The following RFX2 variants were observed in gnomAD, a reference collection of about 807,000 sequenced individuals.
RFX2 encodes DNA-binding protein RFX2.
RFX2 carries 20 observed loss-of-function variants against 87.8 expected under a neutral mutation model. That is an observed-to-expected ratio of 0.23 (90% CI 0.16 to 0.33). The LOEUF is 0.33. RFX2 is among the 10% of genes least tolerant of loss of function. The pLI, the probability that RFX2 is intolerant of heterozygous loss-of-function variation, is 1.00. For synonymous variants in RFX2, 397 were observed against 431.3 expected (o/e 0.92, Z 0.98); for missense variants, 767 against 1,012.3 (o/e 0.76, Z 3.29).
At chr19:6,019,424 A>G (rs1483482667) in intron 6 of RFX2, among the ~76,000 whole-genome samples, 2 of 151,708 alleles carry the variant, frequency 1.3e-5, no homozygotes, top group African/African-American at 4.9e-5. Flanking sequence ...TTGGACCCTT[A>G]AGAGCTTAAG....
intron 5 of RFX2, among the ~76,000 whole-genome samples, chr19:6,037,093 G>A (rs1201544114): frequency 6.6e-6 from 1 of 151,930 alleles, no homozygotes; most frequent in African/African-American, 2.4e-5. Flanking sequence ...GACCATCCTG[G>A]TTAACATGGT....
intron 5 of RFX2, among the ~76,000 whole-genome samples, chr19:6,036,170 C>G (rs2087020201): frequency 6.6e-6 from 1 of 152,206 alleles, no homozygotes; most frequent in Admixed American, 6.5e-5. Context: ...GCTTTCTGTT[C>G]CATAACAACT....
Position 6,026,424 on chromosome 19 carries a change from G to A in RFX2, c.523-187C>T, listed in dbSNP as rs550126855. 59 of 607,098 alleles carry A rather than the reference G, an allele frequency of 9.7e-5. No homozygotes were observed. The highest frequency in any genetic ancestry group is 3.0e-4 in the African/African-American group (16 of 54,030). 37.6% of individuals were successfully genotyped at this position (607,098 alleles called of 1,614,324 possible). On this transcript the variant is annotated intron_variant, in intron 5 of 17. Transcript: ENST00000303657. This position sits in a 1 kb window ranked among gnomAD's most constrained non-coding sequence, Gnocchi z 4.5. ...GAGTTAAATTGTGCATGAAAGCTGCGGTAGGGAGTGTTGCTTCGCACACGT... is the reference window on the plus strand; with the variant it reads ...GAGTTAAATTGTGCATGAAAGCTGCAGTAGGGAGTGTTGCTTCGCACACGT...
intron 1 of RFX2, among the ~76,000 whole-genome samples, chr19:6,100,288 G>C (rs971258347): frequency 4.7e-5 from 6 of 128,586 alleles, no homozygotes; most frequent in African/African-American, 1.7e-4. Context: ...ACAACAAAGG[G>C]GAGGGGACAG....
At chr19:6,079,587 A>G (rs59907625) in intron 1 of RFX2, among the ~76,000 whole-genome samples, 17,552 of 152,144 alleles carry the variant, frequency 0.12, 1,199 homozygotes, top group African/African-American at 0.19. Context: ...GATGGAGGTT[A>G]TAAGAATCTG....
Position 6,012,946 on chromosome 19 carries a change from A to G in RFX2, c.899+40T>C. 6.8e-7 allele frequency: 1 copy of G among 1,475,838 alleles called. No individual in the cohort carries two copies. 91.4% of individuals were successfully genotyped at this position (1,475,838 alleles called of 1,614,324 possible). On this transcript the variant is annotated intron_variant, in intron 8 of 17. Transcript: ENST00000303657. This position sits in a 1 kb window ranked among gnomAD's most constrained non-coding sequence, Gnocchi z 4.6. ...AGAAACACCCACCCCTCCATGCTCC[A>G]GGGGAGAGCCAGCTCCTCCCAGCTC...
chr19:6,049,320 T>C (rs1195711762), intron 1 of RFX2: 1 of 152,220 alleles, frequency 6.6e-6, no homozygotes, highest in Non-Finnish European at 1.5e-5. Context: ...AAAGTCAGAA[T>C]GCTGACTTGA....
rs907825937 is a variant in RFX2 at position 6,017,566 on chromosome 19, C to T, written c.598-1295G>A. 7.9e-5 allele frequency among the ~76,000 whole-genome samples: 12 copies of T among 152,226 alleles called. No homozygotes were observed. Among genetic ancestry groups the T allele is most frequent in the Admixed American group, 3.9e-4 (6 of 15,288 alleles). On this transcript the variant is annotated intron_variant, in intron 6 of 17. Transcript: ENST00000303657. This position sits in a 1 kb window ranked among gnomAD's most constrained non-coding sequence, Gnocchi z 4.1. The stretch of plus-strand genomic sequence containing the variant: ...GAATTCCACGCACAGAAGCGAGGCC[C>T]GAGTCCAGATCCCATGTCAAGAGCG...
intron 7 of RFX2, 91 bp downstream of exon 7, chr19:6,015,999 G>A (rs2086721296): frequency 7.7e-7 from 1 of 1,301,160 alleles, no homozygotes; most frequent in Non-Finnish European, 1.0e-6. Context: ...AGGCCACCTG[G>A]AAAGGAGGAG....
intron 1 of RFX2, among the ~76,000 whole-genome samples, chr19:6,087,876 G>T (rs1316291315): frequency 6.6e-6 from 1 of 152,194 alleles, no homozygotes; most frequent in East Asian, 1.9e-4. Context: ...ATGGGTTACA[G>T]GTGCTGGGTT....
chr19:6,090,702 G>T (rs2087921903), intron 1 of RFX2, among the ~76,000 whole-genome samples: 2 of 152,140 alleles, frequency 1.3e-5, no homozygotes, highest in Admixed American at 1.3e-4. Flanking sequence ...CCAGGCAAAA[G>T]CTTGTCCACA....
At chr19:6,098,965 CAAAAAAAAAAAAAA>C (rs34110529) in intron 1 of RFX2, among the ~76,000 whole-genome samples, 2,849 of 52,928 alleles carry the variant, frequency 0.054, 119 homozygotes, top group East Asian at 0.21. Context: ...GCTTGAACCA[CAAAAAAAAAAAAAA>C]AAAAAAAAAA....
At chr19:6,076,700 G>A (rs1275126241) in intron 1 of RFX2, among the ~76,000 whole-genome samples, 3 of 152,150 alleles carry the variant, frequency 2.0e-5, no homozygotes, top group African/African-American at 7.2e-5. Flanking sequence ...CCATTATAAC[G>A]TAACCCACAT....
intron 5 of RFX2, among the ~76,000 whole-genome samples, chr19:6,031,613 C>T (rs1330485393): frequency 6.6e-6 from 1 of 151,448 alleles, no homozygotes; most frequent in Non-Finnish European, 1.5e-5. Flanking sequence ...TATTTTTAGT[C>T]GAGGTGGGGT....
chr19:6,062,340 G>A (rs567515025), intron 1 of RFX2, among the ~76,000 whole-genome samples: 16 of 152,122 alleles, frequency 1.1e-4, no homozygotes, highest in Non-Finnish European at 1.9e-4. Context: ...TGAGGAAGCC[G>A]TGACCACATC....
chr19:6,068,587 A>T (rs1410068793), intron 1 of RFX2, among the ~76,000 whole-genome samples: 1 of 152,168 alleles, frequency 6.6e-6, no homozygotes, highest in Non-Finnish European at 1.5e-5. Flanking sequence ...GAGATGAGGA[A>T]GGTGTGGGAC....
Position 6,013,375 on chromosome 19 carries a change from G to A in RFX2, c.780-270C>T, listed in dbSNP as rs74413195. On this transcript the variant is annotated intron_variant, in intron 7 of 17. Transcript: ENST00000303657. This position sits in a 1 kb window ranked among gnomAD's most constrained non-coding sequence, Gnocchi z 4.1. ...TTATTTTTGTATTTTTAGTGGAGACGGGGTTTTGCCATGTTGGCCAGGCTG... is the reference window on the plus strand; with the variant it reads ...TTATTTTTGTATTTTTAGTGGAGACAGGGTTTTGCCATGTTGGCCAGGCTG... Among the ~76,000 whole-genome samples, 667 of 151,900 alleles carry A rather than the reference G, an allele frequency of 4.4e-3. 7 individuals carry two copies. The East Asian group carries it at 0.071, about 16-fold the overall frequency.
chr19:6,077,207 A>G (rs1455178927), intron 1 of RFX2: 5 of 152,216 alleles, frequency 3.3e-5, no homozygotes, highest in African/African-American at 4.8e-5. Context: ...TTAGTTCTCC[A>G]AAAGGAGAGG....
Position 6,016,340 on chromosome 19 carries a change from A to C in RFX2, c.598-69T>G. 4 of 1,100,434 alleles carry C rather than the reference A, an allele frequency of 3.6e-6. No homozygotes were observed. The highest frequency in any genetic ancestry group is 5.2e-6 in the Non-Finnish European group (4 of 773,266). 68.2% of individuals were successfully genotyped at this position (1,100,434 alleles called of 1,614,324 possible). On this transcript the variant is annotated intron_variant, in intron 6 of 17. Coordinates refer to ENST00000303657, the MANE Select transcript of RFX2 (RefSeq NM_000635.4). The surrounding 1 kb of genome is among the most constrained non-coding windows in gnomAD (Gnocchi z 5.4). The stretch of plus-strand genomic sequence containing the variant: ...AACGCTAACATGCCAACGTGGACTC[A>C]TTAAGAGAATTACTTGCGTTCCCTG...
Sources: gnomAD v4.1 joint callset for allele counts (sites outside exome capture counted in the v4.1 genomes callset) on GRCh38, gnomAD v4.1.1 for gene constraint, Gnocchi (gnomAD v3.1) non-coding constraint, MANE v1.5 for transcripts, NCBI Gene and HGNC (gene_info 2026-07-23, HGNC 2026-07-21) for gene names.